The following MTHFD2L variants were observed in gnomAD, a reference collection of about 807,000 sequenced individuals.
MTHFD2L encodes bifunctional methylenetetrahydrofolate dehydrogenase/cyclohydrolase 2, mitochondrial.
A neutral mutation model predicts 34.9 loss-of-function variants in MTHFD2L; 29 were observed. The observed-to-expected ratio is 0.83, with a 90% CI of 0.62 to 1.13. The LOEUF (loss-of-function observed/expected upper bound fraction) is 1.13, where lower values mean the gene tolerates loss of function less well. Among genes scored for constraint, MTHFD2L ranks in the 50% most tolerant of loss-of-function variants. The pLI is 0.00. For synonymous variants in MTHFD2L, 167 were observed against 155.7 expected, an observed-to-expected ratio of 1.07 and a Z score of -0.54; for missense variants, 481 against 446.5, an observed-to-expected ratio of 1.08 and a Z score of -0.70.
At chr4:74,187,738 A>G (rs1476690174) in intron 3 of MTHFD2L, among the ~76,000 whole-genome samples, 3 of 79,090 alleles carry the variant, frequency 3.8e-5, no homozygotes, top group Non-Finnish European at 7.1e-5. Flanking sequence ...TTAAATACAC[A>G]CACACACACA....
intron 3 of MTHFD2L, among the ~76,000 whole-genome samples, chr4:74,189,031 G>A (rs1207191805): frequency 2.0e-5 from 3 of 151,892 alleles, no homozygotes; most frequent in East Asian, 1.9e-4. Context: ...GGAGCAGGAC[G>A]GAGAATGGAC....
intron 7 of MTHFD2L, among the ~76,000 whole-genome samples, chr4:74,296,760 A>G (rs1254641032): frequency 3.3e-5 from 5 of 152,104 alleles, no homozygotes; most frequent in Non-Finnish European, 7.4e-5. Flanking sequence ...AGGCATATGC[A>G]GTATGACTTA....
At chr4:74,256,596 CCTT>C (rs1481264906) in intron 6 of MTHFD2L, among the ~76,000 whole-genome samples, 3 of 152,266 alleles carry the variant, frequency 2.0e-5, no homozygotes, top group East Asian at 1.9e-4. Context: ...CCAATTTCAT[CCTT>C]CTGCATATGG....
chr4:74,205,580 TTGAG>T (rs1381812423), intron 5 of MTHFD2L, among the ~76,000 whole-genome samples: 2 of 152,204 alleles, frequency 1.3e-5, no homozygotes, highest in African/African-American at 2.4e-5. Flanking sequence ...TAGCTGTTTC[TTGAG>T]TATTTTTTTT....
chr4:74,171,162 C>T (rs1022464084), intron 1 of MTHFD2L, among the ~76,000 whole-genome samples: 6 of 151,928 alleles, frequency 3.9e-5, no homozygotes, highest in Non-Finnish European at 8.8e-5. Context: ...AAATAGGAAA[C>T]AACCTACTAA....
At chr4:74,170,650 G>C (rs1203243870) in intron 1 of MTHFD2L, among the ~76,000 whole-genome samples, 1 of 152,004 alleles carries the variant, frequency 6.6e-6, no homozygotes, top group Non-Finnish European at 1.5e-5. Context: ...GCAAAGCACA[G>C]ACTGGGAGAC....
intron 6 of MTHFD2L, among the ~76,000 whole-genome samples, chr4:74,232,092 A>G (rs1027058769): frequency 6.6e-6 from 1 of 152,240 alleles, no homozygotes; most frequent in African/African-American, 2.4e-5. Flanking sequence ...TTATTAAGCT[A>G]CAACTTAGCA....
At chr4:74,200,206 G>A (rs1415909252) in intron 4 of MTHFD2L, among the ~76,000 whole-genome samples, 1 of 152,102 alleles carries the variant, frequency 6.6e-6, no homozygotes, top group Non-Finnish European at 1.5e-5. Flanking sequence ...CAGCTACCTC[G>A]GAGGCTGAGG....
intron 7 of MTHFD2L, among the ~76,000 whole-genome samples, chr4:74,294,324 C>G (rs763572595): frequency 2.7e-5 from 4 of 150,710 alleles, no homozygotes; most frequent in Non-Finnish European, 4.4e-5. Context: ...TAGAAATTTA[C>G]TATTTGCCAA....
rs1366609103 is a variant in MTHFD2L, at chr4:74,281,440, TTACG to T, written c.823_826del (p.Thr275LeufsTer10). Reference sequence around the variant, plus strand: ...TTGTTTTCAGGTATTCCAAAGTTGATTACGTCTGATATGGTTAAAGAAGGTGCTG... The same window carrying T: ...TTGTTTTCAGGTATTCCAAAGTTGATTCTGATATGGTTAAAGAAGGTGCTG... On this transcript the variant is annotated frameshift_variant, in exon 7 of 8. Transcript: ENST00000325278. LOFTEE classifies it high-confidence loss of function. The T allele has an allele frequency of 6.2e-7, 1 of 1,612,388 alleles. No homozygotes were observed. The highest frequency in any genetic ancestry group is 8.5e-7 in the Non-Finnish European group (1 of 1,179,048).
chr4:74,203,505 G>C (rs1734789578), intron 5 of MTHFD2L, among the ~76,000 whole-genome samples: 2 of 152,188 alleles, frequency 1.3e-5, no homozygotes, highest in African/African-American at 4.8e-5. Flanking sequence ...TCTGCGGGCT[G>C]TACTAGAAGC....
At chr4:74,173,214 A>T (rs1192910233) in intron 1 of MTHFD2L, among the ~76,000 whole-genome samples, 1 of 152,212 alleles carries the variant, frequency 6.6e-6, no homozygotes, top group Non-Finnish European at 1.5e-5. Flanking sequence ...AAAAAAATAA[A>T]CACACAGTAA....
At chr4:74,135,295 T>G (rs1722827927) in intron 1 of MTHFD2L, among the ~76,000 whole-genome samples, 1 of 151,540 alleles carries the variant, frequency 6.6e-6, no homozygotes, top group Non-Finnish European at 1.5e-5. Flanking sequence ...CCCAAATAAA[T>G]AAAAGTAGGA....
intron 1 of MTHFD2L, among the ~76,000 whole-genome samples, chr4:74,128,375 AT>A (rs1722226683): frequency 6.6e-6 from 1 of 152,034 alleles, no homozygotes; most frequent in Non-Finnish European, 1.5e-5. Context: ...TCTTTAATTC[AT>A]TTTGATTACA....
intron 1 of MTHFD2L, among the ~76,000 whole-genome samples, chr4:74,139,885 C>T (rs1241497721): frequency 2.0e-5 from 3 of 152,220 alleles, no homozygotes; most frequent in South Asian, 4.1e-4. Flanking sequence ...AATTAAACTG[C>T]CTTTCTCAGA....
At chr4:74,231,012 G>A (rs780463529) in intron 6 of MTHFD2L, among the ~76,000 whole-genome samples, 1 of 152,106 alleles carries the variant, frequency 6.6e-6, no homozygotes, top group Non-Finnish European at 1.5e-5. Context: ...CAGTGTCACG[G>A]TGGTGAAAGC....
chr4:74,152,207 A>T (rs1723981932), intron 1 of MTHFD2L, among the ~76,000 whole-genome samples: 1 of 152,038 alleles, frequency 6.6e-6, no homozygotes, highest in Non-Finnish European at 1.5e-5. Flanking sequence ...TTTGAATATA[A>T]TAAAAATACC....
chr4:74,192,404 G>A (rs897634292), intron 3 of MTHFD2L, among the ~76,000 whole-genome samples: 2 of 151,890 alleles, frequency 1.3e-5, no homozygotes, highest in Admixed American at 1.3e-4. Context: ...TCCTTCACCC[G>A]TCCATTTTAT....
chr4:74,157,232 G>A, upstream of MTHFD2L: 1 of 181,560 alleles, frequency 5.5e-6, no homozygotes, highest in Non-Finnish European at 1.2e-5. Flanking sequence ...CATATTTTCT[G>A]ACAGTCTATG....
Sources: allele counts gnomAD v4.1 joint callset (sites outside exome capture counted in the v4.1 genomes callset), GRCh38; gene constraint gnomAD v4.1.1; transcripts MANE v1.5; gene names NCBI Gene and HGNC (gene_info 2026-07-23, HGNC 2026-07-21).